The following FSTL5 variants were observed in gnomAD, a reference collection of about 807,000 sequenced individuals.
FSTL5 encodes follistatin-related protein 5.
In FSTL5, 62 loss-of-function variants were observed where a neutral mutation model predicts 89.1. The observed-to-expected ratio is 0.70, with a 90% CI of 0.57 to 0.86. FSTL5 has a LOEUF of 0.86. Among genes scored for constraint, FSTL5 ranks in the 40% least tolerant of loss-of-function variants. The pLI, the probability that FSTL5 is intolerant of heterozygous loss-of-function variation, is 0.00. For missense variants in FSTL5, 1,057 were observed against 1,001.6 expected (o/e 1.06, Z -0.75); for synonymous variants, 383 against 346.2 (o/e 1.11, Z -1.18).
At chr4:161,472,905 A>G (rs1733998902) in intron 13 of FSTL5, among the ~76,000 whole-genome samples, 1 of 151,894 alleles carries the variant, frequency 6.6e-6, no homozygotes, top group Non-Finnish European at 1.5e-5. Flanking sequence ...TTGTATTTTT[A>G]GTAGAGACGG....
At chr4:161,884,401 T>G (rs1479276607) in intron 4 of FSTL5, among the ~76,000 whole-genome samples, 1 of 152,160 alleles carries the variant, frequency 6.6e-6, no homozygotes, top group African/African-American at 2.4e-5. Flanking sequence ...AATTAATATA[T>G]CTATGACAAC....
intron 7 of FSTL5, among the ~76,000 whole-genome samples, chr4:161,603,331 A>G (rs554542806): frequency 3.3e-5 from 5 of 152,200 alleles, no homozygotes; most frequent in Non-Finnish European, 5.9e-5. Context: ...AGTGTGCAAT[A>G]GCATTACGTT....
chr4:161,824,806 G>A (rs1837587), intron 4 of FSTL5, among the ~76,000 whole-genome samples: 105,354 of 152,044 alleles, frequency 0.69, 36,944 homozygotes, highest in Non-Finnish European at 0.75. Context: ...AAACTTCAGT[G>A]AATTCATTTA....
chr4:161,656,741 TTA>T (rs936198650), intron 6 of FSTL5, among the ~76,000 whole-genome samples: 5 of 152,006 alleles, frequency 3.3e-5, no homozygotes, highest in African/African-American at 1.2e-4. Flanking sequence ...AGAAGTAGAG[TTA>T]TAATAAGCCT....
At chr4:161,471,896 G>T (rs897001204) in intron 13 of FSTL5, among the ~76,000 whole-genome samples, 1 of 151,744 alleles carries the variant, frequency 6.6e-6, no homozygotes, top group Non-Finnish European at 1.5e-5. Context: ...TAATAGTAAT[G>T]GCCCCGCATT....
At chr4:161,439,565 C>G (rs1363597502) in intron 15 of FSTL5, among the ~76,000 whole-genome samples, 2 of 152,174 alleles carry the variant, frequency 1.3e-5, no homozygotes, top group Non-Finnish European at 2.9e-5. Context: ...GAATAGGCAT[C>G]ATCATCATTA....
At chr4:161,760,188 A>C (rs899174717) in intron 5 of FSTL5, among the ~76,000 whole-genome samples, 2 of 152,212 alleles carry the variant, frequency 1.3e-5, no homozygotes, top group African/African-American at 4.8e-5. Flanking sequence ...TCAAACTTCT[A>C]TTCTAGTCTG....
chr4:161,507,437 A>G (rs535718798), intron 11 of FSTL5, among the ~76,000 whole-genome samples: 16 of 151,920 alleles, frequency 1.1e-4, no homozygotes, highest in African/African-American at 3.9e-4. Flanking sequence ...AATTTAATAT[A>G]TAGTAAAACT....
chr4:161,418,057 C>A (rs74755811), intron 15 of FSTL5, among the ~76,000 whole-genome samples: 1 of 152,122 alleles, frequency 6.6e-6, no homozygotes, highest in African/African-American at 2.4e-5. Context: ...TACAAGTGCT[C>A]CCAATGTCTG....
At chr4:161,523,326 T>C (rs1578897144) in intron 10 of FSTL5, among the ~76,000 whole-genome samples, 1 of 152,264 alleles carries the variant, frequency 6.6e-6, no homozygotes, top group African/African-American at 2.4e-5. Context: ...GTCTTATGTA[T>C]ATATAGGCAG....
chr4:162,011,477 A>C (rs922847777), intron 3 of FSTL5, among the ~76,000 whole-genome samples: 1 of 151,632 alleles, frequency 6.6e-6, no homozygotes, highest in Non-Finnish European at 1.5e-5. Context: ...CTCTCAAGGA[A>C]CCTGTGCTTG....
intron 4 of FSTL5, among the ~76,000 whole-genome samples, chr4:161,779,767 ATATATATG>A (rs1323424101): frequency 0.098 from 2,173 of 22,192 alleles, 158 homozygotes; most frequent in Non-Finnish European, 0.12. Context: ...AGTTATATAT[ATATATATG>A]TATATATATA....
chr4:161,890,793 A>G (rs547353555), intron 4 of FSTL5, among the ~76,000 whole-genome samples: 3 of 152,214 alleles, frequency 2.0e-5, no homozygotes, highest in Admixed American at 2.0e-4. Context: ...AAAAATATTC[A>G]TAAAATTCAG....
intron 4 of FSTL5, among the ~76,000 whole-genome samples, chr4:161,883,285 A>G (rs1732693305): frequency 6.6e-6 from 1 of 152,220 alleles, no homozygotes; most frequent in Non-Finnish European, 1.5e-5. Context: ...CAGAGTGAAG[A>G]ACATTCGGCT....
intron 7 of FSTL5, among the ~76,000 whole-genome samples, chr4:161,610,932 C>T (rs759292655): frequency 3.3e-5 from 5 of 151,378 alleles, no homozygotes; most frequent in Non-Finnish European, 7.4e-5. Context: ...TTTTCACAGA[C>T]CTTTTCTCAT....
chr4:161,626,642 C>T (rs530687366), intron 7 of FSTL5, among the ~76,000 whole-genome samples: 1 of 152,238 alleles, frequency 6.6e-6, no homozygotes, highest in East Asian at 1.9e-4. Context: ...TTTTTCATTT[C>T]TAGTCTTATT....
rs1432635410 is a variant in FSTL5, at chr4:161,550,888, C to T, written c.1016-8195G>A. Reference sequence around the variant, plus strand: ...TGAGAATGATGATTTCCAATTTCATCCATGTCCCTACAAAGGACACGAACT... The same window carrying T: ...TGAGAATGATGATTTCCAATTTCATTCATGTCCCTACAAAGGACACGAACT... On this transcript the variant is annotated intron_variant, in intron 8 of 15. Transcript: ENST00000306100. Among the ~76,000 whole-genome samples, 9 of 151,870 alleles carry T rather than the reference C, an allele frequency of 5.9e-5. No homozygotes were observed. In the South Asian group the frequency reaches 1.2e-3, roughly 21 times the overall value.
intron 8 of FSTL5, among the ~76,000 whole-genome samples, chr4:161,572,234 GT>G (rs1733041146): frequency 2.8e-5 from 4 of 145,338 alleles, no homozygotes; most frequent in African/African-American, 1.0e-4. Flanking sequence ...CAGGAGAATC[GT>G]TTGAACCTAG....
intron 3 of FSTL5, among the ~76,000 whole-genome samples, chr4:161,947,858 G>C (rs1231977646): frequency 1.3e-5 from 2 of 151,884 alleles, no homozygotes. Context: ...TCCATGATTT[G>C]GTGTGTCTTT....
Sources: allele counts gnomAD v4.1 joint callset (sites outside exome capture counted in the v4.1 genomes callset), GRCh38; gene constraint gnomAD v4.1.1; transcripts MANE v1.5; gene names NCBI Gene and HGNC (gene_info 2026-07-23, HGNC 2026-07-21).